The following PCNX1 variants were observed in gnomAD, a reference collection of about 807,000 sequenced individuals.
PCNX1 encodes the protein pecanex 1, also known as pecanex-like protein 1.
PCNX1 carries 78 observed loss-of-function variants against 242.2 expected under a neutral mutation model. The observed-to-expected ratio is 0.32, with a 90% CI of 0.27 to 0.39. The LOEUF (loss-of-function observed/expected upper bound fraction) is 0.39. Among genes scored for constraint, PCNX1 ranks in the 10% least tolerant of loss-of-function variants. PCNX1 has a pLI of 1.00. For missense variants in PCNX1, 2,581 were observed against 2,856.5 expected (o/e 0.90, Z 2.20); for synonymous variants, 1,024 against 1,032.9 (o/e 0.99, Z 0.17).
chr14:70,974,953 TGGTATATTTGTTTAG>T, intron 5 of PCNX1, among the ~76,000 whole-genome samples: 1 of 152,308 alleles, frequency 6.6e-6, no homozygotes, highest in East Asian at 1.9e-4. Context: ...AAACCTTTTG[TGGTATATTTGTTTAG>T]CAGTATCGAA....
intron 10 of PCNX1, 124 bp downstream of exon 10, chr14:71,011,673 A>G: frequency 3.1e-6 from 2 of 638,934 alleles, no homozygotes; most frequent in South Asian, 2.0e-5. Context: ...TTTGAAAACT[A>G]TGGCAAAATC....
chr14:71,074,280 TA>T (rs2061656999), intron 27 of PCNX1, among the ~76,000 whole-genome samples: 1 of 152,186 alleles, frequency 6.6e-6, no homozygotes, highest in South Asian at 2.1e-4. Context: ...ACAAACTGAA[TA>T]AAAGTATTGC....
chr14:70,963,934 A>G (rs2058299260), intron 3 of PCNX1, among the ~76,000 whole-genome samples: 1 of 152,242 alleles, frequency 6.6e-6, no homozygotes, highest in Non-Finnish European at 1.5e-5. Context: ...TCTAGTGAGT[A>G]CAGAACATGT....
chr14:70,948,870 T>C (rs1594997776), intron 2 of PCNX1, among the ~76,000 whole-genome samples: 2 of 148,732 alleles, frequency 1.3e-5, no homozygotes, highest in East Asian at 4.1e-4. Flanking sequence ...CACATATGTA[T>C]ATATAGATAT....
At chr14:71,051,790 G>A in intron 23 of PCNX1, 93 bp from the exon 24 acceptor site, 1 of 1,189,096 alleles carries the variant, frequency 8.4e-7, no homozygotes, top group South Asian at 1.5e-5. Context: ...CTCTAATTGA[G>A]GTAATCTAAA....
rs571268736 is a variant in PCNX1 at position 71,073,514 on chromosome 14, C to T, written c.4853-31C>T. The T allele has an allele frequency of 2.4e-5, 38 of 1,560,674 alleles. 1 individual carries two copies. The South Asian group carries it at 4.6e-4, about 19-fold the overall frequency. ...CATTTTTCCCACTTTCTGGTTTTCC[C>T]CCTTTGTAAAGCTCTCTCTCTCTCT... On this transcript the variant is annotated intron_variant, in intron 26 of 35. Coordinates refer to ENST00000304743, the MANE Select transcript of PCNX1 (RefSeq NM_014982.3).
At chr14:70,962,838 C>T (rs971712097) in intron 3 of PCNX1, among the ~76,000 whole-genome samples, 2 of 152,150 alleles carry the variant, frequency 1.3e-5, no homozygotes, top group African/African-American at 2.4e-5. Flanking sequence ...TTGGCTGGAC[C>T]TTTGCTGCTC....
chr14:71,035,071 G>A (rs2060491662), intron 18 of PCNX1, among the ~76,000 whole-genome samples: 1 of 152,128 alleles, frequency 6.6e-6, no homozygotes, highest in African/African-American at 2.4e-5. Context: ...CCGTGGTCAG[G>A]AGTGGTGGTG....
At chr14:70,913,027 T>A (rs920963875) in intron 1 of PCNX1, among the ~76,000 whole-genome samples, 2 of 152,206 alleles carry the variant, frequency 1.3e-5, no homozygotes, top group Non-Finnish European at 2.9e-5. Flanking sequence ...CATCATTCCA[T>A]TCCATAACTT....
intron 5 of PCNX1, 65 bp downstream of exon 5, chr14:70,969,175 T>C (rs964438429): frequency 1.3e-5 from 12 of 896,804 alleles, no homozygotes; most frequent in Non-Finnish European, 2.2e-5. Flanking sequence ...TTGTAGAATA[T>C]GCTGCATACA....
At chr14:71,007,792 A>ATT (rs543907802) in intron 8 of PCNX1, among the ~76,000 whole-genome samples, 1 of 150,744 alleles carries the variant, frequency 6.6e-6, no homozygotes, top group Non-Finnish European at 1.5e-5. Flanking sequence ...GGTATTTTTT[A>ATT]TTTTTTTTTC....
chr14:71,048,103 T>A lies in PCNX1; in HGVS notation c.4338+119T>A, dbSNP rs1020264958. Reference sequence around the variant, plus strand: ...ATTATTGTTTAAGTAATAACTCTCTTCAACCAGTTATTTAGGAGCACATTA... The same window carrying A: ...ATTATTGTTTAAGTAATAACTCTCTACAACCAGTTATTTAGGAGCACATTA... On this transcript the variant is annotated intron_variant, in intron 22 of 35. Transcript: ENST00000304743. 4.9e-6 allele frequency: 3 copies of A among 607,202 alleles called. No homozygotes were observed. In the African/African-American group the frequency reaches 5.5e-5, roughly 11 times the overall value. The allele number at this position is 607,202 out of a possible 1,614,324, so 37.6% of individuals were successfully genotyped here.
chr14:70,960,556 T>TA, intron 2 of PCNX1, among the ~76,000 whole-genome samples: 1 of 152,100 alleles, frequency 6.6e-6, no homozygotes, highest in East Asian at 1.9e-4. Context: ...CCACAGCCAA[T>TA]ATCATACTGA....
chr14:71,069,824 G>A (rs568716120), intron 26 of PCNX1, among the ~76,000 whole-genome samples: 23 of 152,308 alleles, frequency 1.5e-4, no homozygotes, highest in Middle Eastern at 3.4e-3. Flanking sequence ...GGTGATTGCC[G>A]AAGGTTGGGG....
At chr14:71,093,163 T>TA (rs2062180683) in intron 30 of PCNX1, 1 of 152,154 alleles carries the variant, frequency 6.6e-6, no homozygotes, top group African/African-American at 2.4e-5. Flanking sequence ...CTAGAAAGAT[T>TA]ACACCATTGA....
rs1240055326 is a variant in PCNX1 at position 71,112,392 on chromosome 14, T to C, written c.*2457T>C. The C allele has an allele frequency of 6.6e-6, 1 of 152,116 alleles. No homozygotes were observed. The highest frequency in any genetic ancestry group is 2.4e-5 in the African/African-American group (1 of 41,468). 9.4% of individuals were successfully genotyped at this position (152,116 alleles called of 1,614,324 possible). A position where few individuals can be genotyped will look rare whatever the true frequency, so the allele number is the denominator to read the frequency against. On this transcript the variant is annotated 3_prime_UTR_variant, in exon 36 of 36. Transcript: ENST00000304743. ...AGTTGAATTTTGTTAACATATATAATTCTTTAGTGAATTTATAAATTAGGA... is the reference window on the plus strand; with the variant it reads ...AGTTGAATTTTGTTAACATATATAACTCTTTAGTGAATTTATAAATTAGGA...
At chr14:70,969,189 T>C in intron 5 of PCNX1, 79 bp downstream of exon 5, 1 of 816,458 alleles carries the variant, frequency 1.2e-6, no homozygotes, top group Middle Eastern at 2.3e-4. Flanking sequence ...GCATACAATT[T>C]GGCAGAAGTT....
At chr14:70,950,605 CCT>C (rs758159660) in intron 2 of PCNX1, among the ~76,000 whole-genome samples, 1 of 151,978 alleles carries the variant, frequency 6.6e-6, no homozygotes, top group Non-Finnish European at 1.5e-5. Flanking sequence ...AATTCAGCTG[CCT>C]CTTTTTTTTG....
intron 1 of PCNX1, among the ~76,000 whole-genome samples, chr14:70,908,453 C>T (rs2526881): frequency 0.51 from 77,005 of 152,032 alleles, 20,314 homozygotes; most frequent in Non-Finnish European, 0.58. Flanking sequence ...GGCCCTCGTC[C>T]GGGGCTCCCG....
Sources: allele counts gnomAD v4.1 joint callset (sites outside exome capture counted in the v4.1 genomes callset), GRCh38; gene constraint gnomAD v4.1.1; transcripts MANE v1.5; gene names NCBI Gene and HGNC (gene_info 2026-07-23, HGNC 2026-07-21).